Variants in CA5A observed in about 807,000 individuals in gnomAD.
CA5A encodes carbonic anhydrase 5A, also known as carbonic anhydrase 5A, mitochondrial.
In CA5A, 28 loss-of-function variants were observed where a neutral mutation model predicts 37.1. The ratio of observed to expected loss-of-function variants is 0.75; its 90% confidence interval spans 0.56 to 1.03. The LOEUF is 1.03. Ranked by LOEUF, CA5A falls within the 50% of genes least tolerant of loss-of-function variation. The pLI, the probability that CA5A is intolerant of heterozygous loss-of-function variation, is 0.00. For missense variants in CA5A, 444 were observed against 399.9 expected, an observed-to-expected ratio of 1.11 and a Z score of -0.94; for synonymous variants, 171 against 158.4, an observed-to-expected ratio of 1.08 and a Z score of -0.60.
chr16:87,918,440 C>G (rs903084353), intron 2 of CA5A, among the ~76,000 whole-genome samples: 1 of 147,108 alleles, frequency 6.8e-6, no homozygotes, highest in Non-Finnish European at 1.5e-5. Context: ...AGGCCATACA[C>G]GCTCCCTGGA....
chr16:87,918,155 G>A (rs1321864123), intron 2 of CA5A, among the ~76,000 whole-genome samples: 1 of 152,194 alleles, frequency 6.6e-6, no homozygotes, highest in Non-Finnish European at 1.5e-5. Flanking sequence ...CTCAGGCCTC[G>A]TTTGGATTTA....
intron 2 of CA5A, among the ~76,000 whole-genome samples, chr16:87,925,010 C>A (rs1224808975): frequency 6.6e-6 from 1 of 152,238 alleles, no homozygotes; most frequent in Non-Finnish European, 1.5e-5. Flanking sequence ...CGTCAATTTG[C>A]TGAGTGCCTA....
chr16:87,907,883 G>A (rs570751741), intron 2 of CA5A, among the ~76,000 whole-genome samples: 6 of 152,304 alleles, frequency 3.9e-5, no homozygotes, highest in South Asian at 2.1e-4. Context: ...CCGAGATAGC[G>A]CCACTGCACT....
chr16:87,920,123 C>T (rs1371794333), intron 2 of CA5A, among the ~76,000 whole-genome samples: 1 of 152,292 alleles, frequency 6.6e-6, no homozygotes, highest in South Asian at 2.1e-4. Context: ...CGAGGCTGAG[C>T]TGCAGTCTGC....
chr16:87,909,273 C>T (rs2056012826), intron 2 of CA5A, among the ~76,000 whole-genome samples: 1 of 152,128 alleles, frequency 6.6e-6, no homozygotes, highest in Admixed American at 6.6e-5. Flanking sequence ...GGCCCCTCCT[C>T]AGGCTGGCTC....
chr16:87,894,190 A>G (rs2055768022), intron 5 of CA5A, among the ~76,000 whole-genome samples: 1 of 151,638 alleles, frequency 6.6e-6, no homozygotes, highest in Non-Finnish European at 1.5e-5. Context: ...GTGCCGTGGC[A>G]TGATCTCAGC....
intron 2 of CA5A, among the ~76,000 whole-genome samples, chr16:87,910,013 T>G (rs1050699475): frequency 6.6e-6 from 1 of 152,190 alleles, no homozygotes; most frequent in African/African-American, 2.4e-5. Context: ...ACCATAGGAC[T>G]GCTGTTACGG....
At chr16:87,885,252 G>C (rs1281423767), downstream of CA5A, 3 of 157,936 alleles carry the variant, frequency 1.9e-5, no homozygotes, top group Non-Finnish European at 2.8e-5. Flanking sequence ...GAAGAGATTT[G>C]TAAAATGGAC....
At chr16:87,928,756 CTTTGT>C (rs1567537813) in intron 1 of CA5A, among the ~76,000 whole-genome samples, 4 of 108,146 alleles carry the variant, frequency 3.7e-5, no homozygotes, top group South Asian at 3.0e-4. Flanking sequence ...ATTTTCTTTT[CTTTGT>C]TTTTTTTTTT....
downstream of CA5A, chr16:87,886,143 G>GTTTTTTTTTTTTT (rs779669034): frequency 8.8e-6 from 1 of 113,962 alleles, no homozygotes. Flanking sequence ...TCTGGATCAA[G>GTTTTTTTTTTTTT]TTTTTTTTTT....
At chr16:87,883,449 G>A (rs915043845), downstream of CA5A, 2 of 150,914 alleles carry the variant, frequency 1.3e-5, no homozygotes, top group Non-Finnish European at 2.9e-5. Context: ...CCCTGCCTCA[G>A]TCTCCCGAGT....
chr16:87,924,341 G>A (rs12923967), intron 2 of CA5A: 475,944 of 982,832 alleles, frequency 0.48, 119,368 homozygotes, highest in Non-Finnish European at 0.52. Context: ...TCTCACCTTC[G>A]AAAGGAGAGA....
chr16:87,932,904 C>T (rs911759390), intron 1 of CA5A, among the ~76,000 whole-genome samples: 1 of 152,216 alleles, frequency 6.6e-6, no homozygotes, highest in African/African-American at 2.4e-5. Context: ...CCTGCTTTGA[C>T]CACTGGGACA....
chr16:87,901,493 G>A (rs1425930783), intron 5 of CA5A, among the ~76,000 whole-genome samples: 2 of 152,208 alleles, frequency 1.3e-5, no homozygotes, highest in East Asian at 1.9e-4. Context: ...GCCCCTTGGC[G>A]GGGCTCTTTC....
At chr16:87,894,602 G>C (rs1405066011) in intron 5 of CA5A, among the ~76,000 whole-genome samples, 7 of 152,142 alleles carry the variant, frequency 4.6e-5, no homozygotes, top group African/African-American at 1.4e-4. Flanking sequence ...TTATAGGCTG[G>C]GCACAGTGGC....
intron 5 of CA5A, chr16:87,893,459 A>T: frequency 3.7e-6 from 2 of 543,426 alleles, no homozygotes; most frequent in South Asian, 2.8e-5. Context: ...TACCTTACCA[A>T]TGAGGGCATC....
intron 5 of CA5A, chr16:87,892,985 G>A: frequency 8.6e-7 from 1 of 1,166,604 alleles, no homozygotes; most frequent in South Asian, 1.3e-5. Context: ...TGGTGGCCAA[G>A]AAGGATGTCC....
At chr16:87,932,194 C>A (rs577137638) in intron 1 of CA5A, among the ~76,000 whole-genome samples, 48 of 152,282 alleles carry the variant, frequency 3.2e-4, no homozygotes, top group African/African-American at 9.1e-4. Flanking sequence ...ACTCTACCCC[C>A]CCTCCCACGG....
chr16:87,919,611 CT>C (rs1419907382), intron 2 of CA5A, among the ~76,000 whole-genome samples: 1 of 152,182 alleles, frequency 6.6e-6, no homozygotes, highest in African/African-American at 2.4e-5. Flanking sequence ...TCGACGACCC[CT>C]GCACCCGGTT....
Sources: allele counts gnomAD v4.1 joint callset (sites outside exome capture counted in the v4.1 genomes callset), GRCh38; gene constraint gnomAD v4.1.1; transcripts MANE v1.5; gene names NCBI Gene and HGNC (gene_info 2026-07-23, HGNC 2026-07-21).